Variants in BTBD9 observed in about 807,000 individuals in gnomAD.
BTBD9 encodes BTB domain containing 9, also known as BTB/POZ domain-containing protein 9.
BTBD9 carries 49 observed loss-of-function variants against 64.3 expected under a neutral mutation model. That is an observed-to-expected ratio of 0.76 (90% CI 0.61 to 0.97). The LOEUF (loss-of-function observed/expected upper bound fraction) is 0.97, where lower values mean the gene tolerates loss of function less well. BTBD9 is among the 50% of genes least tolerant of loss of function. The pLI is 0.00. For missense variants in BTBD9, 598 were observed against 762.1 expected (o/e 0.78, Z 2.53); for synonymous variants, 260 against 274.7 (o/e 0.95, Z 0.53).
At chr6:38,238,079 A>G (rs1219482843) in intron 9 of BTBD9, among the ~76,000 whole-genome samples, 1 of 152,262 alleles carries the variant, frequency 6.6e-6, no homozygotes, top group Non-Finnish European at 1.5e-5. Context: ...TAGGTTTAGA[A>G]GCCTAGGTGA....
chr6:38,227,025 G>A (rs780462342), intron 9 of BTBD9, among the ~76,000 whole-genome samples: 2 of 152,204 alleles, frequency 1.3e-5, no homozygotes, highest in Non-Finnish European at 2.9e-5. Flanking sequence ...TTACAGTGGC[G>A]ACTAGCAGAG....
rs1178036215 is a variant in BTBD9, at chr6:38,287,141, CACAT to C, written c.1454+1127_1454+1130del. ...ACACACACACACACACACACACACA[CACAT>C]ATAGCAGCCTAAATGTACAATGTTT... is the stretch of plus-strand genomic sequence containing the variant. On this transcript the variant is annotated intron_variant, in intron 8 of 10. Transcript: ENST00000481247. 1.0e-4 allele frequency among the ~76,000 whole-genome samples: 14 copies of C among 139,670 alleles called. No homozygotes were observed. In the South Asian group the frequency reaches 1.9e-3, roughly 19 times the overall value. The allele number at this position is 139,670 out of a possible 152,430, so 91.6% of individuals were successfully genotyped here.
intron 2 of BTBD9, chr6:38,596,194 G>C: frequency 5.4e-6 from 2 of 369,872 alleles, no homozygotes; most frequent in Non-Finnish European, 7.5e-6. Context: ...TAGCTCTAAG[G>C]TAGACTTAGA....
At chr6:38,197,763 T>C (rs565572156) in intron 9 of BTBD9, among the ~76,000 whole-genome samples, 1 of 152,228 alleles carries the variant, frequency 6.6e-6, no homozygotes, top group South Asian at 2.1e-4. Flanking sequence ...TATGAAAAGA[T>C]CAGTATGGAA....
intron 10 of BTBD9, among the ~76,000 whole-genome samples, chr6:38,182,180 T>A (rs1761585899): frequency 6.6e-6 from 1 of 152,130 alleles, no homozygotes; most frequent in Non-Finnish European, 1.5e-5. Flanking sequence ...TTAAAAAAAC[T>A]TTACAATATC....
chr6:38,169,162 C>A lies in BTBD9; in HGVS notation c.*5823G>T, dbSNP rs57243891. On this transcript the variant is annotated 3_prime_UTR_variant, in exon 11 of 11. Coordinates refer to ENST00000481247, the MANE Select transcript of BTBD9 (RefSeq NM_001099272.2). Reference sequence around the variant, plus strand: ...CCTGCCCTGCTGACCCTGGAAGCAGCTGATTGAGGGGCCTGGGAAGACCCC... The same window carrying A: ...CCTGCCCTGCTGACCCTGGAAGCAGATGATTGAGGGGCCTGGGAAGACCCC... 0.092 allele frequency: 14,001 copies of A among 152,440 alleles called. 965 individuals carry two copies. The highest frequency in any genetic ancestry group is 0.19 in the African/African-American group (7,702 of 41,508). 9.4% of individuals were successfully genotyped at this position (152,440 alleles called of 1,614,324 possible).
intron 6 of BTBD9, among the ~76,000 whole-genome samples, chr6:38,412,467 G>A (rs1767472449): frequency 6.6e-6 from 1 of 150,726 alleles, no homozygotes; most frequent in Non-Finnish European, 1.5e-5. Context: ...CATACACTGT[G>A]GGTAGGAACT....
chr6:38,250,457 G>A (rs1287959570), intron 9 of BTBD9, among the ~76,000 whole-genome samples: 4 of 152,150 alleles, frequency 2.6e-5, no homozygotes, highest in Admixed American at 2.6e-4. Flanking sequence ...TCTTCCAAGA[G>A]GGGAACAAGT....
In BTBD9 at chr6:38,256,427, C is replaced by A; in HGVS notation, c.1544G>T (p.Arg515Ile). The A allele has an allele frequency of 6.2e-7, 1 of 1,613,334 alleles. No homozygotes were observed. The highest frequency in any genetic ancestry group is 8.5e-7 in the Non-Finnish European group (1 of 1,179,322). ...NQQQWTMVAD[R>I]TKVSCKSWQS... is the part of the protein sequence containing the mutation. Reference sequence around the variant, plus strand: ...AACTTACTTGCAGGAGACTTTAGTTCTGTCAGCAACCATGGTCCACTGTTG... The same window carrying A: ...AACTTACTTGCAGGAGACTTTAGTTATGTCAGCAACCATGGTCCACTGTTG... Residue 515 changes from arginine to isoleucine, a missense_variant, in exon 9 of 11, where the codon AGA (arginine) becomes ATA (isoleucine). Transcript: ENST00000481247.
chr6:38,334,955 G>T (rs1476866577), intron 7 of BTBD9, among the ~76,000 whole-genome samples: 1 of 152,144 alleles, frequency 6.6e-6, no homozygotes, highest in Non-Finnish European at 1.5e-5. Context: ...CCCACGTGTT[G>T]AGGGAGGGAC....
chr6:38,554,167 A>C (rs970802183), intron 6 of BTBD9, among the ~76,000 whole-genome samples: 2 of 152,224 alleles, frequency 1.3e-5, no homozygotes, highest in African/African-American at 4.8e-5. Context: ...GATTTGCCAT[A>C]AAATAGAGAA....
chr6:38,361,083 C>T (rs545310570), intron 6 of BTBD9, among the ~76,000 whole-genome samples: 2 of 152,042 alleles, frequency 1.3e-5, no homozygotes, highest in Admixed American at 1.3e-4. Flanking sequence ...TGTTTCTTGA[C>T]CCTGGTTGTG....
At chr6:38,566,218 C>G (rs113106174) in intron 6 of BTBD9, among the ~76,000 whole-genome samples, 282 of 152,152 alleles carry the variant, frequency 1.9e-3, no homozygotes, top group African/African-American at 6.4e-3. Flanking sequence ...ACATAGAAGG[C>G]TAAAAGATAT....
At chr6:38,460,175 C>T (rs1770011270) in intron 6 of BTBD9, among the ~76,000 whole-genome samples, 1 of 152,236 alleles carries the variant, frequency 6.6e-6, no homozygotes, top group Non-Finnish European at 1.5e-5. Flanking sequence ...GGATCTGCAT[C>T]TAAACCTTAG....
chr6:38,289,235 G>A (rs554636017), intron 7 of BTBD9, among the ~76,000 whole-genome samples: 7 of 152,202 alleles, frequency 4.6e-5, no homozygotes, highest in East Asian at 1.9e-4. Context: ...TTAGCCAGGC[G>A]TGGTAGCACA....
At chr6:38,504,579 G>A (rs935681146) in intron 6 of BTBD9, 1 of 456,590 alleles carries the variant, frequency 2.2e-6, no homozygotes, top group East Asian at 6.9e-5. Context: ...GTGAAATGTG[G>A]ATTTTTTTAG....
At chr6:38,625,864 T>C (rs942510851) in intron 1 of BTBD9, among the ~76,000 whole-genome samples, 5 of 152,314 alleles carry the variant, frequency 3.3e-5, no homozygotes, top group East Asian at 1.9e-4. Context: ...ATGAAGGACA[T>C]AGTACAGTGC....
chr6:38,551,107 T>A (rs1774784514), intron 6 of BTBD9, among the ~76,000 whole-genome samples: 1 of 149,940 alleles, frequency 6.7e-6, no homozygotes, highest in Non-Finnish European at 1.5e-5. Flanking sequence ...ACCCACCCCA[T>A]AAACATCCTC....
rs547292846 is a variant in BTBD9 at position 38,355,506 on chromosome 6, T to C, written c.1155-10413A>G. Among the ~76,000 whole-genome samples the C allele has an allele frequency of 7.9e-5, 12 of 152,240 alleles. No homozygotes were observed. The South Asian group carries it at 2.5e-3, about 32-fold the overall frequency. On this transcript the variant is annotated intron_variant, in intron 6 of 10. Transcript: ENST00000481247. Reference sequence around the variant, plus strand: ...TACAGCATTAGTGCTAAGCCAGTGATCAGAAAGAAAATGTCAGTCCTCACA... The same window carrying C: ...TACAGCATTAGTGCTAAGCCAGTGACCAGAAAGAAAATGTCAGTCCTCACA...
Sources: allele counts gnomAD v4.1 joint callset (sites outside exome capture counted in the v4.1 genomes callset), GRCh38; gene constraint gnomAD v4.1.1; transcripts MANE v1.5; gene names NCBI Gene and HGNC (gene_info 2026-07-23, HGNC 2026-07-21).